Variants in PHEX observed in about 807,000 individuals in gnomAD.
PHEX encodes the protein phosphate-regulating neutral endopeptidase PHEX.
In PHEX, 16 loss-of-function variants were observed where a neutral mutation model predicts 68.0. The observed-to-expected ratio is 0.24, with a 90% CI of 0.16 to 0.36. The LOEUF (loss-of-function observed/expected upper bound fraction) is 0.36, where lower values mean the gene tolerates loss of function less well. PHEX is among the 10% of genes least tolerant of loss of function. The pLI, the probability that PHEX is intolerant of heterozygous loss-of-function variation, is 1.00. For synonymous variants in PHEX, 208 were observed against 205.1 expected (o/e 1.01, Z -0.12); for missense variants, 480 against 575.5 (o/e 0.83, Z 1.70).
intron 20 of PHEX, among the ~76,000 whole-genome samples, chrX:22,232,596 CTT>C (rs745474280): frequency 7.0e-4 from 13 of 18,547 alleles, no homozygotes; most frequent in African/African-American, 1.7e-3. Context: ...GCCACTTCTG[CTT>C]TTTTTTTTTT....
intron 1 of PHEX, among the ~76,000 whole-genome samples, chrX:22,034,626 C>G (rs184238427): frequency 1.3e-4 from 15 of 112,015 alleles, no homozygotes; most frequent in African/African-American, 4.9e-4. Context: ...CTGGCTCTCA[C>G]CTTGACTCTC....
intron 20 of PHEX, among the ~76,000 whole-genome samples, chrX:22,244,426 A>C: frequency 1.2e-5 from 1 of 81,360 alleles, no homozygotes. Flanking sequence ...CAGAATTTAA[A>C]GTATAATAAA....
intron 11 of PHEX, among the ~76,000 whole-genome samples, chrX:22,116,441 C>G (rs769820873): frequency 9.0e-6 from 1 of 111,064 alleles, no homozygotes; most frequent in African/African-American, 3.3e-5. Flanking sequence ...AATAATAATC[C>G]GTGTAGTCAA....
intron 12 of PHEX, among the ~76,000 whole-genome samples, chrX:22,162,334 T>C (rs1933161558): frequency 8.9e-6 from 1 of 112,450 alleles, no homozygotes; most frequent in African/African-American, 3.2e-5. Flanking sequence ...GCATTTCTTT[T>C]CTCGATATTT....
At chrX:22,185,589 C>T (rs1230364561) in intron 14 of PHEX, among the ~76,000 whole-genome samples, 1 of 111,111 alleles carries the variant, frequency 9.0e-6, no homozygotes, top group Non-Finnish European at 1.9e-5. Flanking sequence ...AAGATTCAGC[C>T]CATTGGGTTG....
chrX:22,123,399 A>G (rs1294231898), intron 11 of PHEX, among the ~76,000 whole-genome samples: 1 of 110,858 alleles, frequency 9.0e-6, no homozygotes, highest in Non-Finnish European at 1.9e-5. Flanking sequence ...ATAAAAGTAT[A>G]CCTCCTTCTT....
intron 16 of PHEX, among the ~76,000 whole-genome samples, chrX:22,215,151 G>T (rs1385480323): frequency 1.8e-5 from 2 of 111,303 alleles, no homozygotes; most frequent in African/African-American, 6.5e-5. Context: ...TTGTTTATTG[G>T]GTCTGTGAGC....
chrX:22,114,386 G>T, intron 10 of PHEX, 72 bp from the exon 11 acceptor site: 1 of 1,004,099 alleles, frequency 1.0e-6, no homozygotes, highest in Non-Finnish European at 1.4e-6. Context: ...GTTTTCTTCA[G>T]GTTGTTTGAA....
At chrX:22,174,894 T>C (rs1244074319) in intron 13 of PHEX, among the ~76,000 whole-genome samples, 1 of 112,068 alleles carries the variant, frequency 8.9e-6, no homozygotes, top group African/African-American at 3.2e-5. Flanking sequence ...TTCCTCAATC[T>C]CACTTTGTCC....
intron 20 of PHEX, among the ~76,000 whole-genome samples, chrX:22,244,019 A>G (rs953355907): frequency 1.8e-5 from 2 of 112,354 alleles, no homozygotes; most frequent in African/African-American, 6.5e-5. Flanking sequence ...AATAGCAAAG[A>G]CTGGGAACCA....
intron 20 of PHEX, among the ~76,000 whole-genome samples, chrX:22,244,977 A>G (rs1373250729): frequency 1.8e-5 from 2 of 111,809 alleles, no homozygotes; most frequent in East Asian, 5.6e-4. Flanking sequence ...GACTCATTTT[A>G]TTGATTTGAA....
At chrX:22,193,647 T>C (rs1934272885) in intron 15 of PHEX, among the ~76,000 whole-genome samples, 1 of 111,602 alleles carries the variant, frequency 9.0e-6, no homozygotes, top group Non-Finnish European at 1.9e-5. Context: ...CTGTATAATA[T>C]TTCATGACTG....
At chrX:22,044,735 T>TAAA (rs1429420988) in intron 2 of PHEX, among the ~76,000 whole-genome samples, 2 of 81,998 alleles carry the variant, frequency 2.4e-5, no homozygotes, top group Non-Finnish European at 5.1e-5. Context: ...AATAAATAAA[T>TAAA]AAATAATAAA....
chrX:22,212,876 A>G (rs746584893), intron 15 of PHEX, 28 bp from the exon 16 acceptor site: 2 of 1,136,190 alleles, frequency 1.8e-6, no homozygotes, highest in South Asian at 3.6e-5. Flanking sequence ...ATCTCTCTAT[A>G]TCTCTTAACA....
At chrX:22,055,675 C>T (rs1395308328) in intron 3 of PHEX, among the ~76,000 whole-genome samples, 3 of 111,484 alleles carry the variant, frequency 2.7e-5, no homozygotes, top group Admixed American at 1.9e-4. Flanking sequence ...AATTCTCCTG[C>T]CTCAGCTTCC....
rs368052833 is a variant in PHEX at position 22,133,669 on chromosome X, A to G, written c.1404+45A>G. The G allele has an allele frequency of 1.0e-4, 95 of 932,348 alleles. No individual in the cohort carries two copies. In the African/African-American group the frequency reaches 1.6e-3, roughly 15 times the overall value. 76.8% of individuals were successfully genotyped at this position (932,348 alleles called of 1,213,427 possible). A position where few individuals can be genotyped will look rare whatever the true frequency, so the allele number is the denominator to read the frequency against. ...AAAAAAAAATAAGACTTCTGGTTTA[A>G]TGGATGTTCATGCTTGACATTGACT... On this transcript the variant is annotated intron_variant, in intron 12 of 21. Transcript: ENST00000379374.
rs76410908 is a variant in PHEX at position 22,084,539 on chromosome X, GTTT to G, written c.664-5873_664-5871del. ...GTTTGGAAGTATTCCCTTCTCTTCA[GTTT>G]TTTTTTTTTTTTTTTTGGAAGAGTT... On this transcript the variant is annotated intron_variant, in intron 5 of 21. Transcript: ENST00000379374. 8.5e-3 allele frequency among the ~76,000 whole-genome samples: 645 copies of G among 75,811 alleles called. 6 individuals carry two copies. The highest frequency in any genetic ancestry group is 0.028 in the African/African-American group (583 of 20,839). The allele number at this position is 75,811 out of a possible 115,157, so 65.8% of individuals were successfully genotyped here. A position where few individuals can be genotyped will look rare whatever the true frequency, so the allele number is the denominator to read the frequency against.
chrX:22,244,163 C>T (rs1445397420), intron 20 of PHEX, among the ~76,000 whole-genome samples: 1 of 111,375 alleles, frequency 9.0e-6, no homozygotes, highest in African/African-American at 3.3e-5. Context: ...AGCTATCATT[C>T]TCAGCAAACT....
intron 12 of PHEX, among the ~76,000 whole-genome samples, chrX:22,137,268 ATTTG>A (rs1409782972): frequency 3.6e-5 from 4 of 111,329 alleles, no homozygotes; most frequent in Non-Finnish European, 5.7e-5. Flanking sequence ...CTTCGGAATT[ATTTG>A]TTTGTTTGTG....
Sources: allele counts gnomAD v4.1 joint callset (sites outside exome capture counted in the v4.1 genomes callset), GRCh38; gene constraint gnomAD v4.1.1; transcripts MANE v1.5; gene names NCBI Gene and HGNC (gene_info 2026-07-23, HGNC 2026-07-21).